MARCHF1: variants seen among roughly 807,000 people sequenced by gnomAD.
MARCHF1 encodes E3 ubiquitin-protein ligase MARCHF1.
Under a neutral mutation model 54.2 loss-of-function variants are expected in MARCHF1, and 40 were observed. The observed-to-expected ratio is 0.74, with a 90% CI of 0.57 to 0.96. The LOEUF is 0.96. Ranked by LOEUF, MARCHF1 falls within the 40% of genes least tolerant of loss-of-function variation. MARCHF1 has a pLI of 0.00. For missense variants in MARCHF1, 586 were observed against 656.5 expected (o/e 0.89, Z 1.17); for synonymous variants, 236 against 236.3 (o/e 1.00, Z 0.01).
At chr4:163,683,982 ATCTC>A (rs144138838) in intron 5 of MARCHF1, among the ~76,000 whole-genome samples, 3 of 151,474 alleles carry the variant, frequency 2.0e-5, no homozygotes, top group African/African-American at 2.4e-5. Context: ...CTCCTTGGGC[ATCTC>A]TCTCTCTCTC....
rs577843001 is a variant in MARCHF1, at chr4:164,119,456, C to A, written c.-322-7794G>T. On this transcript the variant is annotated intron_variant, in intron 1 of 9. Coordinates refer to ENST00000514618, the MANE Select transcript of MARCHF1 (RefSeq NM_001394959.1). Reference sequence around the variant, plus strand: ...ATGAAAAAAATAAAAATAAATGAGTCAAATATTAAATCAAAAAGCTAGGAG... The same window carrying A: ...ATGAAAAAAATAAAAATAAATGAGTAAAATATTAAATCAAAAAGCTAGGAG... 1.0e-4 allele frequency among the ~76,000 whole-genome samples: 15 copies of A among 149,554 alleles called. No individual in the cohort carries two copies. The South Asian group carries it at 2.3e-3, about 23-fold the overall frequency.
rs11363041 is a variant in MARCHF1 at position 163,572,319 on chromosome 4, C to CTTTT, written c.1191+13426_1191+13429dup. On this transcript the variant is annotated intron_variant, in intron 8 of 9. Coordinates refer to ENST00000514618, the MANE Select transcript of MARCHF1 (RefSeq NM_001394959.1). The stretch of plus-strand genomic sequence containing the variant: ...ATTTGAATGTTAGGTCTCTTTCTTC[C>CTTTT]TTTTTTTTTTTTTTTAAATAAATTG... Among the ~76,000 whole-genome samples the CTTTT allele has an allele frequency of 4.9e-5, 7 of 144,096 alleles. No homozygotes were observed. In the South Asian group the frequency reaches 1.5e-3, roughly 31 times the overall value. The allele number at this position is 144,096 out of a possible 152,430, so 94.5% of individuals were successfully genotyped here.
chr4:164,364,624 C>G (rs958435226), intron 1 of MARCHF1, among the ~76,000 whole-genome samples: 4 of 151,436 alleles, frequency 2.6e-5, no homozygotes, highest in African/African-American at 9.7e-5. Flanking sequence ...CCCATTTATT[C>G]TTAGAGTTAA....
chr4:164,197,277 G>GTC (rs1233344281), intron 1 of MARCHF1: 1 of 1,611,368 alleles, frequency 6.2e-7, no homozygotes, highest in Non-Finnish European at 8.5e-7. Context: ...TGTGGTCCCA[G>GTC]TAACAGCTGT....
chr4:163,591,022 G>A (rs1310906959), intron 7 of MARCHF1, among the ~76,000 whole-genome samples: 2 of 151,374 alleles, frequency 1.3e-5, no homozygotes, highest in Non-Finnish European at 1.5e-5. Flanking sequence ...TAAAGTAAGT[G>A]ATCAATTAAG....
chr4:163,655,451 A>G (rs1050881575), intron 5 of MARCHF1, among the ~76,000 whole-genome samples: 1 of 151,854 alleles, frequency 6.6e-6, no homozygotes, highest in African/African-American at 2.4e-5. Context: ...CCCACACAAT[A>G]ATAGTGGGAG....
At chr4:163,611,067 T>G (rs938870493) in intron 7 of MARCHF1, among the ~76,000 whole-genome samples, 1 of 152,072 alleles carries the variant, frequency 6.6e-6, no homozygotes, top group Non-Finnish European at 1.5e-5. Context: ...CTTTCATAGT[T>G]CTTATCATAA....
intron 1 of MARCHF1, among the ~76,000 whole-genome samples, chr4:164,374,609 T>C (rs887751637): frequency 3.3e-5 from 5 of 152,152 alleles, no homozygotes; most frequent in African/African-American, 7.2e-5. Context: ...CTACCATGAA[T>C]GTCATAAGGA....
chr4:164,155,775 A>C (rs1234222880), intron 1 of MARCHF1, among the ~76,000 whole-genome samples: 1 of 152,150 alleles, frequency 6.6e-6, no homozygotes, highest in African/African-American at 2.4e-5. Context: ...CAATGTATTC[A>C]TGTAACAAAA....
At chr4:164,210,375 G>A (rs1254399249) in intron 1 of MARCHF1, among the ~76,000 whole-genome samples, 1 of 152,134 alleles carries the variant, frequency 6.6e-6, no homozygotes, top group East Asian at 1.9e-4. Flanking sequence ...TCAGTGTCTA[G>A]CATGAGCAAC....
chr4:163,603,970 TA>T (rs1741061691), intron 7 of MARCHF1, among the ~76,000 whole-genome samples: 1 of 152,118 alleles, frequency 6.6e-6, no homozygotes, highest in African/African-American at 2.4e-5. Flanking sequence ...CTCCACTTTT[TA>T]TACTCTCCCT....
At chr4:163,602,915 TCTGA>T (rs1278968057) in intron 7 of MARCHF1, among the ~76,000 whole-genome samples, 2 of 151,952 alleles carry the variant, frequency 1.3e-5, no homozygotes, top group African/African-American at 2.4e-5. Context: ...AAAATATGAG[TCTGA>T]CTGATTAAAT....
At chr4:163,938,857 T>C (rs1389303220) in intron 3 of MARCHF1, among the ~76,000 whole-genome samples, 1 of 152,020 alleles carries the variant, frequency 6.6e-6, no homozygotes, top group Non-Finnish European at 1.5e-5. Context: ...TCAGATCTGG[T>C]GAGAACTCAC....
At chr4:164,278,097 G>A (rs572165759) in intron 1 of MARCHF1, among the ~76,000 whole-genome samples, 3 of 152,264 alleles carry the variant, frequency 2.0e-5, no homozygotes, top group African/African-American at 7.2e-5. Context: ...GATTACTTGA[G>A]CCCAGAAATT....
At chr4:164,307,526 C>A (rs1036210171) in intron 1 of MARCHF1, among the ~76,000 whole-genome samples, 1 of 152,204 alleles carries the variant, frequency 6.6e-6, no homozygotes, top group African/African-American at 2.4e-5. Flanking sequence ...TGTGCTATCT[C>A]AGCTTACCTC....
chr4:164,245,671 C>T (rs570246932), intron 1 of MARCHF1, among the ~76,000 whole-genome samples: 2,926 of 151,912 alleles, frequency 0.019, 77 homozygotes, highest in East Asian at 0.12. Flanking sequence ...TCCCTCTTTG[C>T]AGATGACATG....
At chr4:163,893,062 G>T (rs1355865540) in intron 3 of MARCHF1, among the ~76,000 whole-genome samples, 1 of 150,974 alleles carries the variant, frequency 6.6e-6, no homozygotes, top group African/African-American at 2.5e-5. Flanking sequence ...TGCCCCAGAA[G>T]GATTTTTTTT....
At chr4:163,889,659 G>GTT in intron 3 of MARCHF1, among the ~76,000 whole-genome samples, 2 of 152,010 alleles carry the variant, frequency 1.3e-5, no homozygotes, top group Admixed American at 1.3e-4. Context: ...TGCTTAAGTG[G>GTT]TTTGCTCTTC....
At position 163,788,247 on chromosome 4, in the gene MARCHF1, C is replaced by G. The variant is rs1401764276; in HGVS notation, c.111+65774G>C. Among the ~76,000 whole-genome samples the G allele has an allele frequency of 2.6e-5, 4 of 151,628 alleles. No individual in the cohort carries two copies. In the East Asian group the frequency reaches 7.7e-4, roughly 29 times the overall value. On this transcript the variant is annotated intron_variant, in intron 4 of 9. Transcript: ENST00000514618. The stretch of plus-strand genomic sequence containing the variant: ...TTTTACCACAATGAAAAACGACAAC[C>G]CTGTTTCAGTTTGAACTAATTTTAG...
Sources: allele counts gnomAD v4.1 joint callset (sites outside exome capture counted in the v4.1 genomes callset), GRCh38; gene constraint gnomAD v4.1.1; transcripts MANE v1.5; gene names NCBI Gene and HGNC (gene_info 2026-07-23, HGNC 2026-07-21).